PRKG1: variants seen among roughly 807,000 people sequenced by gnomAD.
The protein encoded by PRKG1 is cGMP-dependent protein kinase 1.
Under a neutral mutation model 88.1 loss-of-function variants are expected in PRKG1, and 35 were observed. The observed-to-expected ratio is 0.40, with a 90% CI of 0.30 to 0.53. The LOEUF (loss-of-function observed/expected upper bound fraction) is 0.53. Ranked by LOEUF, PRKG1 falls within the 20% of genes least tolerant of loss-of-function variation. The pLI is 0.59. For synonymous variants in PRKG1, 303 were observed against 292.5 expected (o/e 1.04, Z -0.37); for missense variants, 540 against 839.8 (o/e 0.64, Z 4.41).
Position 51,467,915 on chromosome 10 carries a change from T to C in PRKG1, c.592+79T>C, listed in dbSNP as rs1353314573. On this transcript the variant is annotated intron_variant, in intron 3 of 17. Transcript: ENST00000373980. ...TTGAGATGTTGTTTAAAATGCCCAT[T>C]CATTTAATCTTTATACTTTTATTTC... 3.6e-6 allele frequency: 4 copies of C among 1,114,406 alleles called. No individual in the cohort carries two copies. In the Admixed American group the frequency reaches 7.5e-5, roughly 21 times the overall value. The allele number at this position is 1,114,406 out of a possible 1,614,324, so 69.0% of individuals were successfully genotyped here. A position where few individuals can be genotyped will look rare whatever the true frequency, so the allele number is the denominator to read the frequency against.
rs1277210624 is a variant in PRKG1, at chr10:51,225,793, T to C, written c.478+72463T>C. Among the ~76,000 whole-genome samples, 3 of 152,274 alleles carry C rather than the reference T, an allele frequency of 2.0e-5. No individual in the cohort carries two copies. The East Asian group carries it at 5.8e-4, about 29-fold the overall frequency. On this transcript the variant is annotated intron_variant, in intron 2 of 17. Coordinates refer to ENST00000373980, the MANE Select transcript of PRKG1 (RefSeq NM_006258.4). The stretch of plus-strand genomic sequence containing the variant: ...TGATTTAGAAAAGTTCTAGATTCAC[T>C]GTATAGAACTCACAGAATATAGAAT...
At chr10:51,200,626 A>G (rs959797770) in intron 2 of PRKG1, among the ~76,000 whole-genome samples, 3 of 152,224 alleles carry the variant, frequency 2.0e-5, no homozygotes, top group African/African-American at 7.2e-5. Flanking sequence ...GGATTCATAC[A>G]TTGTTGGCAC....
intron 9 of PRKG1, among the ~76,000 whole-genome samples, chr10:52,234,485 T>C (rs1214876599): frequency 6.6e-6 from 1 of 150,938 alleles, no homozygotes; most frequent in East Asian, 1.9e-4. Context: ...CTGATGGAGC[T>C]GAAAACCAAG....
chr10:51,262,600 A>G (rs1320354472), intron 2 of PRKG1, among the ~76,000 whole-genome samples: 1 of 152,210 alleles, frequency 6.6e-6, no homozygotes, highest in Non-Finnish European at 1.5e-5. Flanking sequence ...TCTCGCTGCT[A>G]TTAAAAACTA....
chr10:51,150,549 G>T (rs1193949887), intron 1 of PRKG1, among the ~76,000 whole-genome samples: 1 of 152,236 alleles, frequency 6.6e-6, no homozygotes, highest in South Asian at 2.1e-4. Flanking sequence ...TGCTGCGAGA[G>T]CAGAGACAAA....
At chr10:51,481,259 T>TCTTC (rs1840350272) in intron 3 of PRKG1, among the ~76,000 whole-genome samples, 1 of 144,376 alleles carries the variant, frequency 6.9e-6, no homozygotes. Context: ...TCTCTTTCTG[T>TCTTC]CTTTCTTTCT....
At chr10:51,073,084 A>C (rs145194303), upstream of PRKG1, among the ~76,000 whole-genome samples, 2 of 152,334 alleles carry the variant, frequency 1.3e-5, no homozygotes, top group Non-Finnish European at 2.9e-5. Context: ...ATGAGTTCGT[A>C]ATGTCTTAAG....
intron 2 of PRKG1, among the ~76,000 whole-genome samples, chr10:51,263,015 T>A (rs1377493239): frequency 6.6e-6 from 1 of 152,164 alleles, no homozygotes; most frequent in Non-Finnish European, 1.5e-5. Context: ...AAGGATTCTT[T>A]CTTCTTCCTG....
At chr10:51,803,218 T>C (rs1306634819) in intron 3 of PRKG1, among the ~76,000 whole-genome samples, 1 of 152,116 alleles carries the variant, frequency 6.6e-6, no homozygotes, top group Non-Finnish European at 1.5e-5. Flanking sequence ...TGCACTACCT[T>C]TGTTTTTGAT....
At chr10:51,569,149 A>G (rs1837682912) in intron 3 of PRKG1, among the ~76,000 whole-genome samples, 1 of 152,032 alleles carries the variant, frequency 6.6e-6, no homozygotes, top group Admixed American at 6.6e-5. Flanking sequence ...TTATGTCAGG[A>G]GTAAACCAAA....
intron 3 of PRKG1, among the ~76,000 whole-genome samples, chr10:51,606,224 C>T (rs1212398926): frequency 6.6e-6 from 1 of 152,110 alleles, no homozygotes; most frequent in Non-Finnish European, 1.5e-5. Flanking sequence ...ATTTTCAAAA[C>T]TGTTTCCCTC....
At chr10:51,705,069 A>G (rs920935435) in intron 3 of PRKG1, among the ~76,000 whole-genome samples, 3 of 152,104 alleles carry the variant, frequency 2.0e-5, no homozygotes, top group Non-Finnish European at 4.4e-5. Context: ...TCCTCTGGCT[A>G]AATTGTACCA....
chr10:52,063,101 T>C (rs183934389), intron 7 of PRKG1, among the ~76,000 whole-genome samples: 9 of 152,264 alleles, frequency 5.9e-5, no homozygotes, highest in African/African-American at 1.9e-4. Flanking sequence ...CTTGGGCCCA[T>C]TGGGCTCATT....
rs1332272551 is a variant in PRKG1, at chr10:51,633,479, A to G, written c.592+165643A>G. ...ATGGACTCAAGAAAAAAAAGAAAAC[A>G]TGATATTCCTGGTGAAGCTTTTGTT... On this transcript the variant is annotated intron_variant, in intron 3 of 17. Transcript: ENST00000373980. 2.6e-5 allele frequency among the ~76,000 whole-genome samples: 4 copies of G among 152,254 alleles called. No homozygotes were observed. The Middle Eastern group carries it at 0.01, about 388-fold the overall frequency.
chr10:52,134,502 A>G (rs1837351535), intron 8 of PRKG1, among the ~76,000 whole-genome samples: 1 of 152,092 alleles, frequency 6.6e-6, no homozygotes, highest in Non-Finnish European at 1.5e-5. Flanking sequence ...CATTACCTGG[A>G]TGCTTTATAA....
intron 5 of PRKG1, among the ~76,000 whole-genome samples, chr10:51,918,494 C>T (rs538184643): frequency 6.6e-6 from 1 of 152,060 alleles, no homozygotes; most frequent in East Asian, 1.9e-4. Flanking sequence ...CTCCATGCTG[C>T]TTGTAATTCA....
At chr10:51,934,850 CA>C (rs1474639182) in intron 5 of PRKG1, among the ~76,000 whole-genome samples, 1 of 152,034 alleles carries the variant, frequency 6.6e-6, no homozygotes, top group Non-Finnish European at 1.5e-5. Flanking sequence ...AGAAATTGAG[CA>C]AAAAGTTCAA....
At chr10:51,398,186 T>C (rs1837631474) in intron 2 of PRKG1, among the ~76,000 whole-genome samples, 1 of 152,154 alleles carries the variant, frequency 6.6e-6, no homozygotes. Flanking sequence ...TCATGGAAGA[T>C]AGTTTTTCCA....
intron 5 of PRKG1, 120 bp downstream of exon 5, chr10:51,907,690 C>G (rs1478945907): frequency 2.6e-6 from 2 of 772,812 alleles, no homozygotes; most frequent in Non-Finnish European, 2.1e-6. Flanking sequence ...TTTCTAAGCT[C>G]TGGGATGAGC....
Sources: allele counts gnomAD v4.1 joint callset (sites outside exome capture counted in the v4.1 genomes callset), GRCh38; gene constraint gnomAD v4.1.1; transcripts MANE v1.5; gene names NCBI Gene and HGNC (gene_info 2026-07-23, HGNC 2026-07-21).